The following IL1RAPL2 variants were observed in gnomAD, a reference collection of about 807,000 sequenced individuals.
The protein encoded by IL1RAPL2 is interleukin 1 receptor accessory protein like 2, also known as X-linked interleukin-1 receptor accessory protein-like 2.
IL1RAPL2 carries 3 observed loss-of-function variants against 44.1 expected under a neutral mutation model. That is an observed-to-expected ratio of 0.07 (90% confidence interval 0.03 to 0.18). IL1RAPL2 has a LOEUF of 0.18. Among genes scored for constraint, IL1RAPL2 ranks in the 10% least tolerant of loss-of-function variants. The probability of loss-of-function intolerance (pLI) is 1.00; values close to 1 mark genes in which losing one functional copy is unlikely to be tolerated. For missense variants in IL1RAPL2, 391 were observed against 496.4 expected (o/e 0.79, Z 2.02); for synonymous variants, 181 against 178.8 (o/e 1.01, Z -0.10).
At chrX:104,738,095 A>G (rs1004014973) in intron 2 of IL1RAPL2, among the ~76,000 whole-genome samples, 1 of 112,185 alleles carries the variant, frequency 8.9e-6, no homozygotes, top group Non-Finnish European at 1.9e-5. Context: ...TCACACATAT[A>G]TTTATCTAAT....
At chrX:105,590,645 T>C (rs1009108264) in intron 6 of IL1RAPL2, among the ~76,000 whole-genome samples, 28 of 111,932 alleles carry the variant, frequency 2.5e-4, no homozygotes, top group Admixed American at 6.7e-4. Context: ...GTTATTTTTA[T>C]GTGATGAATC....
At chrX:105,508,062 C>G (rs1171423321) in intron 6 of IL1RAPL2, among the ~76,000 whole-genome samples, 2 of 111,473 alleles carry the variant, frequency 1.8e-5, no homozygotes, top group South Asian at 3.7e-4. Flanking sequence ...CTTTTGAAAA[C>G]CTCTGTTCCA....
At chrX:104,739,663 A>G (rs944540103) in intron 2 of IL1RAPL2, among the ~76,000 whole-genome samples, 3 of 112,102 alleles carry the variant, frequency 2.7e-5, no homozygotes, top group Non-Finnish European at 5.6e-5. Flanking sequence ...GAGAAAGGCA[A>G]GTAAGAAAGA....
chrX:105,048,567 G>A (rs138623493), intron 2 of IL1RAPL2, among the ~76,000 whole-genome samples: 4,318 of 110,775 alleles, frequency 0.039, 228 homozygotes, highest in African/African-American at 0.13. Context: ...GATACTTCAA[G>A]ACCTAGTGTA....
chrX:105,466,958 C>T (rs1199571625), intron 5 of IL1RAPL2, among the ~76,000 whole-genome samples: 3 of 110,861 alleles, frequency 2.7e-5, no homozygotes, highest in Non-Finnish European at 5.7e-5. Flanking sequence ...AACAGACCCA[C>T]TATCACGATA....
At chrX:105,319,540 G>C (rs1345828342) in intron 5 of IL1RAPL2, among the ~76,000 whole-genome samples, 1 of 111,821 alleles carries the variant, frequency 8.9e-6, no homozygotes, top group Non-Finnish European at 1.9e-5. Flanking sequence ...ATTCTAAAAA[G>C]TACCGTGCAA....
At chrX:105,132,251 C>A (rs1193226657) in intron 2 of IL1RAPL2, among the ~76,000 whole-genome samples, 1 of 109,761 alleles carries the variant, frequency 9.1e-6, no homozygotes, top group Non-Finnish European at 1.9e-5. Flanking sequence ...AAAGTTGATG[C>A]TCTACCACAT....
At chrX:105,156,154 A>T (rs1335656181) in intron 2 of IL1RAPL2, among the ~76,000 whole-genome samples, 1 of 111,746 alleles carries the variant, frequency 8.9e-6, no homozygotes, top group African/African-American at 3.3e-5. Context: ...GGCAGAAATC[A>T]TGCTTTATTC....
intron 5 of IL1RAPL2, among the ~76,000 whole-genome samples, chrX:105,431,014 C>CT (rs1205713139): frequency 8.9e-6 from 1 of 112,158 alleles, no homozygotes; most frequent in Non-Finnish European, 1.9e-5. Flanking sequence ...CTCATGAAGT[C>CT]ATATGCTAGC....
chrX:105,275,223 C>T (rs1288860539), intron 5 of IL1RAPL2, among the ~76,000 whole-genome samples: 1 of 108,776 alleles, frequency 9.2e-6, no homozygotes, highest in Non-Finnish European at 1.9e-5. Context: ...AAAAAAAAAG[C>T]GGTGGGGGAA....
intron 6 of IL1RAPL2, among the ~76,000 whole-genome samples, chrX:105,514,451 G>A (rs780322788): frequency 1.8e-5 from 2 of 112,086 alleles, no homozygotes; most frequent in Admixed American, 1.9e-4. Context: ...GCCTGTTAGG[G>A]CATGGCTAAA....
At chrX:105,141,621 A>G (rs934234461) in intron 2 of IL1RAPL2, among the ~76,000 whole-genome samples, 7 of 112,041 alleles carry the variant, frequency 6.2e-5, no homozygotes, top group Non-Finnish European at 1.1e-4. Context: ...AATTTAATAC[A>G]GTTTTCCTCT....
intron 5 of IL1RAPL2, among the ~76,000 whole-genome samples, chrX:105,392,140 T>TATA (rs1217240993): frequency 1.9e-5 from 2 of 107,466 alleles, no homozygotes; most frequent in Non-Finnish European, 3.8e-5. Flanking sequence ...AAACTTAAAG[T>TATA]ATAATAATAA....
chrX:105,262,919 C>T (rs997365999), intron 4 of IL1RAPL2, among the ~76,000 whole-genome samples: 10 of 109,443 alleles, frequency 9.1e-5, no homozygotes, highest in Non-Finnish European at 1.7e-4. Context: ...GAGTTTCGCT[C>T]TTGTTGCCCA....
chrX:105,000,272 T>A (rs1416536630), intron 2 of IL1RAPL2, among the ~76,000 whole-genome samples: 3 of 112,346 alleles, frequency 2.7e-5, no homozygotes, highest in African/African-American at 9.7e-5. Flanking sequence ...TATGGAATTG[T>A]AATTAGAAGT....
chrX:105,420,184 G>T (rs915130064), intron 5 of IL1RAPL2, among the ~76,000 whole-genome samples: 1 of 110,636 alleles, frequency 9.0e-6, no homozygotes, highest in South Asian at 3.8e-4. Context: ...AGCACCTAAA[G>T]TACTTTTTGA....
intron 2 of IL1RAPL2, among the ~76,000 whole-genome samples, chrX:105,012,833 T>C (rs910957063): frequency 4.1e-4 from 45 of 110,885 alleles, no homozygotes; most frequent in African/African-American, 1.2e-3. Flanking sequence ...TTCTCTGCTT[T>C]ATAATCATTT....
rs542896495 is a variant in IL1RAPL2 at position 105,039,959 on chromosome X, A to T, written c.83-155516A>T. ...AGAGAGGGCATCCCTGTCTTGTGCCAGTTTTCAAAGGGAATGCTTCCAGTT... is the reference window on the plus strand; with the variant it reads ...AGAGAGGGCATCCCTGTCTTGTGCCTGTTTTCAAAGGGAATGCTTCCAGTT... On this transcript the variant is annotated intron_variant, in intron 2 of 10. Coordinates refer to ENST00000372582, the MANE Select transcript of IL1RAPL2 (RefSeq NM_017416.2). Among the ~76,000 whole-genome samples, 21 of 110,588 alleles carry T rather than the reference A, an allele frequency of 1.9e-4. No homozygotes were observed. The South Asian group carries it at 2.3e-3, about 12-fold the overall frequency.
intron 2 of IL1RAPL2, among the ~76,000 whole-genome samples, chrX:105,041,410 C>T (rs764183919): frequency 9.0e-6 from 1 of 110,572 alleles, no homozygotes; most frequent in Non-Finnish European, 1.9e-5. Flanking sequence ...TGGTGCAGAG[C>T]TGAGTTCGAT....
Sources: allele counts gnomAD v4.1 joint callset (sites outside exome capture counted in the v4.1 genomes callset), GRCh38; gene constraint gnomAD v4.1.1; transcripts MANE v1.5; gene names NCBI Gene and HGNC (gene_info 2026-07-23, HGNC 2026-07-21).